The following GRIN3A variants were observed in gnomAD, a reference collection of about 807,000 sequenced individuals.
GRIN3A encodes glutamate ionotropic receptor NMDA type subunit 3A.
A neutral mutation model predicts 92.4 loss-of-function variants in GRIN3A; 47 were observed. The ratio of observed to expected loss-of-function variants is 0.51; its 90% confidence interval spans 0.40 to 0.65. The LOEUF (loss-of-function observed/expected upper bound fraction) is 0.65. GRIN3A is among the 30% of genes least tolerant of loss of function. The pLI, the probability that GRIN3A is intolerant of heterozygous loss-of-function variation, is 0.00. For synonymous variants in GRIN3A, 527 were observed against 540.6 expected (o/e 0.97, Z 0.35); for missense variants, 1,324 against 1,393.1 (o/e 0.95, Z 0.79).
intron 1 of GRIN3A, among the ~76,000 whole-genome samples, chr9:101,715,297 T>C (rs1463955420): frequency 6.6e-6 from 1 of 151,210 alleles, no homozygotes; most frequent in African/African-American, 2.4e-5. Flanking sequence ...GGGTGGACCA[T>C]GGGCGTCCCA....
At chr9:101,626,721 A>G (rs1828639052) in intron 4 of GRIN3A, among the ~76,000 whole-genome samples, 1 of 152,260 alleles carries the variant, frequency 6.6e-6, no homozygotes, top group Non-Finnish European at 1.5e-5. Context: ...TGTTGCTGGA[A>G]CATGGACTAT....
rs181672850 is a variant in GRIN3A, at chr9:101,697,780, C to A, written c.700-10580G>T. On this transcript the variant is annotated intron_variant, in intron 1 of 8. Transcript: ENST00000361820. The stretch of plus-strand genomic sequence containing the variant: ...TTATAGAATGCCACAAATTAAGGGG[C>A]AGGAGTGAATTAGAGGCATTTCTCT... 3.8e-3 allele frequency among the ~76,000 whole-genome samples: 575 copies of A among 152,256 alleles called. 6 individuals are homozygous for A. The highest frequency in any genetic ancestry group is 3.4e-3 in the Middle Eastern group (1 of 294).
chr9:101,713,453 C>G (rs970927944), intron 1 of GRIN3A, among the ~76,000 whole-genome samples: 2 of 152,138 alleles, frequency 1.3e-5, no homozygotes, highest in African/African-American at 2.4e-5. Flanking sequence ...ACCAGGAAGT[C>G]TAGGATAGAG....
In GRIN3A at chr9:101,658,752, G is replaced by GTCTGTCTGTCTATCTATCTATCTA. The variant is rs1476543672; in HGVS notation, c.2352+11307_2352+11308insTAGATAGATAGATAGACAGACAGA. Among the ~76,000 whole-genome samples the GTCTGTCTGTCTATCTATCTATCTA allele has an allele frequency of 9.3e-4, 129 of 139,222 alleles. No individual in the cohort carries two copies. The East Asian group carries it at 0.013, about 14-fold the overall frequency. 91.3% of individuals were successfully genotyped at this position (139,222 alleles called of 152,430 possible). On this transcript the variant is annotated intron_variant, in intron 3 of 8. Coordinates refer to ENST00000361820, the MANE Select transcript of GRIN3A (RefSeq NM_133445.3). ...ATACATGTTATTTGTCTATCTATCTGTCTATCTGTCTATCTATCTATCTAT... is the reference window on the plus strand; with the variant it reads ...ATACATGTTATTTGTCTATCTATCTGTCTGTCTGTCTATCTATCTATCTATCTATCTGTCTATCTATCTATCTAT...
At chr9:101,690,045 A>T (rs1829595368) in intron 1 of GRIN3A, among the ~76,000 whole-genome samples, 2 of 152,182 alleles carry the variant, frequency 1.3e-5, no homozygotes, top group Admixed American at 1.3e-4. Context: ...TATCATGCAG[A>T]TAGAGTGAAA....
intron 1 of GRIN3A, among the ~76,000 whole-genome samples, chr9:101,723,444 A>G (rs1417886185): frequency 1.3e-5 from 2 of 152,182 alleles, no homozygotes; most frequent in African/African-American, 4.8e-5. Context: ...AGCTCATAAA[A>G]GCAGCGTGGA....
In GRIN3A at chr9:101,601,498, TATTA is replaced by T. The variant is rs755255362; in HGVS notation, c.2766+11874_2766+11877del. ...GGCACTAGAAGTAAAATGTGGAGTG[TATTA>T]ATTATTTTGCAAGAGCTGTTGTAAT... On this transcript the variant is annotated intron_variant, in intron 6 of 8. Transcript: ENST00000361820. Among the ~76,000 whole-genome samples the T allele has an allele frequency of 2.6e-4, 39 of 152,272 alleles. 1 individual carries two copies. The highest frequency in any genetic ancestry group is 1.2e-3 in the Admixed American group (19 of 15,290).
intron 3 of GRIN3A, among the ~76,000 whole-genome samples, chr9:101,636,456 T>G (rs934580495): frequency 1.2e-4 from 19 of 152,186 alleles, no homozygotes; most frequent in Admixed American, 4.6e-4. Flanking sequence ...GTTTTAAAAA[T>G]GGAGGAACTG....
intron 1 of GRIN3A, among the ~76,000 whole-genome samples, chr9:101,725,015 C>G (rs1042006212): frequency 1.3e-4 from 20 of 152,148 alleles, no homozygotes; most frequent in Non-Finnish European, 2.1e-4. Context: ...AGATGGAATG[C>G]TTTATTGAAT....
intron 2 of GRIN3A, among the ~76,000 whole-genome samples, chr9:101,683,827 G>GGA (rs1276808640): frequency 1.7e-4 from 22 of 131,944 alleles, no homozygotes; most frequent in East Asian, 8.8e-4. Context: ...CCCACCATAA[G>GGA]GAGAGAGAGA....
intron 8 of GRIN3A, among the ~76,000 whole-genome samples, chr9:101,575,959 AAAC>A (rs1827820654): frequency 6.6e-6 from 1 of 152,236 alleles, no homozygotes; most frequent in African/African-American, 2.4e-5. Flanking sequence ...ATAGAAGAAT[AAAC>A]AAATGCTGGA....
chr9:101,666,486 T>C (rs1829238145), intron 3 of GRIN3A, among the ~76,000 whole-genome samples: 1 of 151,786 alleles, frequency 6.6e-6, no homozygotes, highest in South Asian at 2.1e-4. Flanking sequence ...CTGGGGCCTA[T>C]AGGAGGGTAG....
chr9:101,619,158 GAA>G (rs1245505959), intron 5 of GRIN3A, among the ~76,000 whole-genome samples: 1 of 152,164 alleles, frequency 6.6e-6, no homozygotes, highest in Non-Finnish European at 1.5e-5. Flanking sequence ...AATGTGGTTG[GAA>G]AAGAGATGTT....
intron 3 of GRIN3A, among the ~76,000 whole-genome samples, chr9:101,651,143 AT>A (rs1405517856): frequency 6.6e-6 from 1 of 151,970 alleles, no homozygotes; most frequent in Non-Finnish European, 1.5e-5. Context: ...TAAATGAATG[AT>A]TTTTTAATGA....
chr9:101,656,784 TG>T (rs1008932072), intron 3 of GRIN3A, among the ~76,000 whole-genome samples: 1 of 151,870 alleles, frequency 6.6e-6, no homozygotes, highest in African/African-American at 2.4e-5. Flanking sequence ...TGAGCCTTGT[TG>T]GGGAAAGACA....
intron 1 of GRIN3A, among the ~76,000 whole-genome samples, chr9:101,732,055 A>C (rs1416745068): frequency 2.6e-5 from 4 of 152,232 alleles, no homozygotes; most frequent in Non-Finnish European, 5.9e-5. Context: ...GCAGAAAAAA[A>C]GACAATGAGA....
intron 3 of GRIN3A, among the ~76,000 whole-genome samples, chr9:101,629,100 A>G (rs1014462706): frequency 1.3e-5 from 2 of 152,208 alleles, no homozygotes; most frequent in Admixed American, 1.3e-4. Flanking sequence ...TAAATAAATT[A>G]TATGGTATAT....
chr9:101,670,898 G>A lies in GRIN3A; in HGVS notation c.1514C>T (p.Thr505Ile). ...TAGCTTACTTGGATGTTGGAAGTGG[G>A]TTTTGTGTCTCTGGGCCTGCTCTGG... Reference protein sequence around the residue: ...IWPEQAQRHKTHFQHPSKLHL... With the variant: ...IWPEQAQRHKIHFQHPSKLHL... Residue 505 changes from threonine (T) to isoleucine (I), a missense_variant, in exon 3 of 9, where the codon ACC (threonine) becomes ATC (isoleucine). By Grantham distance (89) the Thr-to-Ile change is moderately conservative. Coordinates refer to ENST00000361820, the MANE Select transcript of GRIN3A (RefSeq NM_133445.3). The A allele has an allele frequency of 6.2e-7, 1 of 1,612,220 alleles. No individual in the cohort carries two copies. The highest frequency in any genetic ancestry group is 8.5e-7 in the Non-Finnish European group (1 of 1,178,632).
intron 6 of GRIN3A, among the ~76,000 whole-genome samples, chr9:101,610,996 G>T (rs1466748608): frequency 6.6e-6 from 1 of 151,850 alleles, no homozygotes; most frequent in Non-Finnish European, 1.5e-5. Context: ...TACTCGGGAG[G>T]CTGAGGCAGG....
Sources: gnomAD v4.1 joint callset for allele counts (sites outside exome capture counted in the v4.1 genomes callset) on GRCh38, gnomAD v4.1.1 for gene constraint, MANE v1.5 for transcripts, NCBI Gene and HGNC (gene_info 2026-07-23, HGNC 2026-07-21) for gene names.